CDCP1: variants seen among roughly 807,000 people sequenced by gnomAD.
The protein encoded by CDCP1 is CUB domain containing protein 1.
Under a neutral mutation model 60.2 loss-of-function variants are expected in CDCP1, and 29 were observed. That is an observed-to-expected ratio of 0.48 (90% confidence interval 0.36 to 0.66). The LOEUF is 0.66. Ranked by LOEUF, CDCP1 falls within the 30% of genes least tolerant of loss-of-function variation. The probability of loss-of-function intolerance (pLI) is 0.00; values close to 1 mark genes in which losing one functional copy is unlikely to be tolerated. For synonymous variants in CDCP1, 387 were observed against 431.1 expected (o/e 0.90, Z 1.27); for missense variants, 876 against 1,074.3 (o/e 0.82, Z 2.58).
chr3:45,112,580 C>G, intron 2 of CDCP1, 135 bp from the exon 3 acceptor site: 2 of 1,207,820 alleles, frequency 1.7e-6, no homozygotes, highest in Non-Finnish European at 2.3e-6. Context: ...CAGGGGCACC[C>G]AGGCCCCAAC....
At position 45,124,071 on chromosome 3, in the gene CDCP1, T is replaced by A. The variant is rs1454926781; in HGVS notation, c.83-5450A>T. Among the ~76,000 whole-genome samples the A allele has an allele frequency of 5.9e-5, 9 of 152,190 alleles. No individual in the cohort carries two copies. The East Asian group carries it at 1.7e-3, about 29-fold the overall frequency. On this transcript the variant is annotated intron_variant, in intron 1 of 8. Transcript: ENST00000296129. ...AGCATCTGCCTCACCAGCTCCTTCCTGGGCAGGCAGGGTTGGGGGAAGAAT... is the reference window on the plus strand; with the variant it reads ...AGCATCTGCCTCACCAGCTCCTTCCAGGGCAGGCAGGGTTGGGGGAAGAAT...
intron 1 of CDCP1, among the ~76,000 whole-genome samples, chr3:45,140,842 C>T (rs889934764): frequency 6.6e-6 from 1 of 152,258 alleles, no homozygotes; most frequent in Non-Finnish European, 1.5e-5. Context: ...CCAACCTCAA[C>T]ACATTTTAAA....
chr3:45,093,206 GT>G (rs746812792), intron 6 of CDCP1, 70 bp downstream of exon 6: 65 of 1,517,828 alleles, frequency 4.3e-5, no homozygotes, highest in Non-Finnish European at 5.0e-5. Flanking sequence ...CTTAATTAAG[GT>G]GATCACAAAA....
chr3:45,111,082 G>A (rs145318320), intron 3 of CDCP1, among the ~76,000 whole-genome samples: 31 of 152,230 alleles, frequency 2.0e-4, no homozygotes, highest in Admixed American at 1.6e-3. Flanking sequence ...GACTTATAGC[G>A]TCTGCCCACT....
chr3:45,110,313 T>G, intron 4 of CDCP1, 160 bp downstream of exon 4: 2 of 1,443,328 alleles, frequency 1.4e-6, no homozygotes, highest in Non-Finnish European at 1.8e-6. Flanking sequence ...CCTGTCTAAC[T>G]GCCTAGCAAC....
chr3:45,130,747 C>T (rs1302363214), intron 1 of CDCP1, among the ~76,000 whole-genome samples: 1 of 152,202 alleles, frequency 6.6e-6, no homozygotes, highest in African/African-American at 2.4e-5. Flanking sequence ...AGGGGAGTTG[C>T]TTACAGGTGT....
intron 5 of CDCP1, among the ~76,000 whole-genome samples, chr3:45,094,910 G>C (rs893013352): frequency 5.9e-5 from 9 of 151,800 alleles, no homozygotes; most frequent in African/African-American, 2.2e-4. Flanking sequence ...CTTGCCTCCT[G>C]GTCACCCTTG....
intron 1 of CDCP1, among the ~76,000 whole-genome samples, chr3:45,126,108 C>CTCTTTCTTTCCTTCCTTCTT (rs1553610966): frequency 9.1e-5 from 10 of 110,012 alleles, no homozygotes; most frequent in Admixed American, 4.8e-4. Flanking sequence ...TTGTCTCTCT[C>CTCTTTCTTTCCTTCCTTCTT]TCTTTCTTTC....
chr3:45,093,722 C>T (rs1397553082), intron 5 of CDCP1, 65 bp from the exon 6 acceptor site: 4 of 1,537,246 alleles, frequency 2.6e-6, no homozygotes, highest in Non-Finnish European at 3.5e-6. Context: ...CCCCAGCTCT[C>T]CCGTCAGCCT....
intron 1 of CDCP1, among the ~76,000 whole-genome samples, chr3:45,119,823 C>T (rs756696752): frequency 5.4e-4 from 82 of 152,298 alleles, no homozygotes; most frequent in South Asian, 1.5e-3. Flanking sequence ...AAATATTTTC[C>T]TCACCCTCAA....
At position 45,099,068 on chromosome 3, in the gene CDCP1, C is replaced by T. The variant is rs114069596; in HGVS notation, c.1025-3500G>A. Among the ~76,000 whole-genome samples, 855 of 151,582 alleles carry T rather than the reference C, an allele frequency of 5.6e-3. 8 individuals are homozygous for T. Among genetic ancestry groups the T allele is most frequent in the Non-Finnish European group, 6.3e-3 (429 of 67,936 alleles). On this transcript the variant is annotated intron_variant, in intron 4 of 8. Transcript: ENST00000296129. Reference sequence around the variant, plus strand: ...TCTCCTTCACTGTTATCATGGGATTCCCTTTGCTTCTCTCTTGGACTAGAT... The same window carrying T: ...TCTCCTTCACTGTTATCATGGGATTTCCTTTGCTTCTCTCTTGGACTAGAT...
chr3:45,092,246 G>T (rs990778520), intron 6 of CDCP1, among the ~76,000 whole-genome samples: 1 of 152,202 alleles, frequency 6.6e-6, no homozygotes, highest in Admixed American at 6.5e-5. Flanking sequence ...TCCCAAACTG[G>T]TGGTTATCTC....
At position 45,120,785 on chromosome 3, in the gene CDCP1, T is replaced by C. The variant is rs149795018; in HGVS notation, c.83-2164A>G. 3.4e-3 allele frequency among the ~76,000 whole-genome samples: 513 copies of C among 152,308 alleles called. 5 individuals are homozygous for C. The highest frequency in any genetic ancestry group is 0.012 in the African/African-American group (498 of 41,560). On this transcript the variant is annotated intron_variant, in intron 1 of 8. Coordinates refer to ENST00000296129, the MANE Select transcript of CDCP1 (RefSeq NM_022842.5). ...TTTCCCACCTCAGGGCCTTTGCACA[T>C]GCTGGTCCTGACACCAAAAGTGCTT...
chr3:45,137,463 G>A (rs571398420), intron 1 of CDCP1, among the ~76,000 whole-genome samples: 1 of 152,122 alleles, frequency 6.6e-6, no homozygotes, highest in Admixed American at 6.5e-5. Context: ...GCACCATTCG[G>A]GTTGTGGTGG....
intron 1 of CDCP1, among the ~76,000 whole-genome samples, chr3:45,144,832 C>T (rs972342840): frequency 6.6e-6 from 1 of 152,188 alleles, no homozygotes; most frequent in African/African-American, 2.4e-5. Flanking sequence ...CTTGGAAATT[C>T]AGTCCTAAGA....
Position 45,093,266 on chromosome 3 carries a change from A to G in CDCP1, c.1627+11T>C, listed in dbSNP as rs1559775715. 6.2e-7 allele frequency: 1 copy of G among 1,608,514 alleles called. No homozygotes were observed. The highest frequency in any genetic ancestry group is 1.7e-5 in the Admixed American group (1 of 59,510). ...CTAAAGGGGCATGGAGATAGGGGAG[A>G]CCCCCCTTACCTTTGAAATAAGGTA... On this transcript the variant is annotated intron_variant, in intron 6 of 8. Coordinates refer to ENST00000296129, the MANE Select transcript of CDCP1 (RefSeq NM_022842.5).
chr3:45,125,815 C>T (rs1197481461), intron 1 of CDCP1, among the ~76,000 whole-genome samples: 4 of 152,228 alleles, frequency 2.6e-5, no homozygotes, highest in Non-Finnish European at 4.4e-5. Context: ...AAATTCTGCA[C>T]ACCTTATCTG....
At chr3:45,138,832 C>T (rs916155640) in intron 1 of CDCP1, among the ~76,000 whole-genome samples, 3 of 151,134 alleles carry the variant, frequency 2.0e-5, no homozygotes, top group Admixed American at 1.3e-4. Flanking sequence ...GGCAACAGAG[C>T]GAAAACTCCA....
chr3:45,118,800 C>T (rs1698836380), intron 1 of CDCP1, among the ~76,000 whole-genome samples, 179 bp from the exon 2 acceptor site: 2 of 152,282 alleles, frequency 1.3e-5, no homozygotes, highest in African/African-American at 4.8e-5. Context: ...TGAAAAAGAA[C>T]CAGGATGCTG....
Sources: allele counts gnomAD v4.1 joint callset (sites outside exome capture counted in the v4.1 genomes callset), GRCh38; gene constraint gnomAD v4.1.1; transcripts MANE v1.5; gene names NCBI Gene and HGNC (gene_info 2026-07-23, HGNC 2026-07-21).